The following NRXN1 variants were observed in gnomAD, a reference collection of about 807,000 sequenced individuals.
NRXN1 encodes the protein neurexin-1.
Under a neutral mutation model 150.9 loss-of-function variants are expected in NRXN1, and 39 were observed. The observed-to-expected ratio is 0.26, with a 90% CI of 0.20 to 0.34. The LOEUF is 0.34. Ranked by LOEUF, NRXN1 falls within the 10% of genes least tolerant of loss-of-function variation. The pLI, the probability that NRXN1 is intolerant of heterozygous loss-of-function variation, is 1.00. For missense variants in NRXN1, 1,815 were observed against 1,949.9 expected, an observed-to-expected ratio of 0.93 and a Z score of 1.30; for synonymous variants, 924 against 757.0, an observed-to-expected ratio of 1.22 and a Z score of -3.62.
chr2:50,705,592 G>A (rs529805493), intron 5 of NRXN1, among the ~76,000 whole-genome samples: 1 of 152,252 alleles, frequency 6.6e-6, no homozygotes, highest in Admixed American at 6.5e-5. Context: ...CCTGACCAAT[G>A]CAGTTGGATT....
intron 17 of NRXN1, among the ~76,000 whole-genome samples, chr2:50,295,036 C>A (rs921360256): frequency 6.6e-6 from 1 of 152,188 alleles, no homozygotes. Flanking sequence ...ATTGGAAACA[C>A]TCTGTTTGCA....
intron 18 of NRXN1, among the ~76,000 whole-genome samples, chr2:50,210,058 T>A (rs72887752): frequency 0.02 from 2,974 of 152,088 alleles, 80 homozygotes; most frequent in African/African-American, 0.068. Context: ...GTAAATATTA[T>A]CATTTACAGG....
chr2:51,018,554 G>A (rs182313826), intron 2 of NRXN1, among the ~76,000 whole-genome samples: 3 of 152,192 alleles, frequency 2.0e-5, no homozygotes, highest in Non-Finnish European at 2.9e-5. Context: ...GTGTTGGGAA[G>A]CCAAACACGC....
intron 19 of NRXN1, among the ~76,000 whole-genome samples, chr2:50,068,993 A>C (rs780027148): frequency 6.6e-6 from 1 of 152,160 alleles, no homozygotes; most frequent in Non-Finnish European, 1.5e-5. Context: ...AATGGGAACA[A>C]CTGAAAAGAG....
intron 17 of NRXN1, among the ~76,000 whole-genome samples, chr2:50,316,505 A>G (rs1409736156): frequency 6.6e-6 from 1 of 152,088 alleles, no homozygotes; most frequent in African/African-American, 2.4e-5. Context: ...AATAAGAATC[A>G]CATTAAATTG....
chr2:50,849,811 T>G (rs1387153029), intron 5 of NRXN1, among the ~76,000 whole-genome samples: 4 of 152,188 alleles, frequency 2.6e-5, no homozygotes, highest in Admixed American at 6.5e-5. Flanking sequence ...GAAACTTCTC[T>G]GTTAATATAG....
At position 50,069,706 on chromosome 2, in the gene NRXN1, G is replaced by A. The variant is rs149711709; in HGVS notation, c.3719-14662C>T. On this transcript the variant is annotated intron_variant, in intron 19 of 22. Transcript: ENST00000401669. The stretch of plus-strand genomic sequence containing the variant: ...TAAGCTTGTCTTCTTTCCACTTTGT[G>A]CTATACAGACACACCCACCTCTTAT... Among the ~76,000 whole-genome samples, 1,436 of 152,004 alleles carry A rather than the reference G, an allele frequency of 9.4e-3. 12 individuals are homozygous for A. Among genetic ancestry groups the A allele is most frequent in the Non-Finnish European group, 0.013 (884 of 67,964 alleles).
intron 2 of NRXN1, among the ~76,000 whole-genome samples, chr2:50,941,318 A>C (rs976092737): frequency 6.6e-6 from 1 of 152,194 alleles, no homozygotes; most frequent in Non-Finnish European, 1.5e-5. Flanking sequence ...TACTGCTATA[A>C]AGGTACCCGA....
chr2:50,595,911 T>C (rs1230460172), intron 8 of NRXN1, among the ~76,000 whole-genome samples: 1 of 152,222 alleles, frequency 6.6e-6, no homozygotes, highest in African/African-American at 2.4e-5. Flanking sequence ...ATAAACACTG[T>C]GTTATAGAGG....
chr2:50,902,779 AAGGAAGTCAAATGTCATTGTCCCTT>A lies in NRXN1; in HGVS notation c.832+19065_832+19089del, dbSNP rs1432771348. On this transcript the variant is annotated intron_variant, in intron 5 of 22. Transcript: ENST00000401669. The stretch of plus-strand genomic sequence containing the variant: ...TTGGTTATTTTTTCTTATCTGAAAA[AAGGAAGTCAAATGTCATTGTCCCTT>A]TATCTCAGATAGTTATTATAACAGA... Among the ~76,000 whole-genome samples, 43 of 152,302 alleles carry A rather than the reference AAGGAAGTCAAATGTCATTGTCCCTT, an allele frequency of 2.8e-4. 1 individual carries two copies. In the East Asian group the frequency reaches 3.5e-3, roughly 12 times the overall value.
chr2:50,276,871 C>G (rs909646663), intron 17 of NRXN1, among the ~76,000 whole-genome samples: 3 of 152,022 alleles, frequency 2.0e-5, no homozygotes, highest in Non-Finnish European at 4.4e-5. Flanking sequence ...GAAAAAGTAG[C>G]CAAATAAAAA....
At chr2:51,011,117 A>T (rs1279947927) in intron 2 of NRXN1, among the ~76,000 whole-genome samples, 1 of 151,974 alleles carries the variant, frequency 6.6e-6, no homozygotes, top group African/African-American at 2.4e-5. Flanking sequence ...ACAATAAATC[A>T]TATACTTCAT....
chr2:50,881,613 T>C (rs1218553626), intron 5 of NRXN1, among the ~76,000 whole-genome samples: 4 of 151,832 alleles, frequency 2.6e-5, no homozygotes, highest in Admixed American at 2.6e-4. Flanking sequence ...TTCTGAATTA[T>C]GGAAAGTGAG....
intron 21 of NRXN1, among the ~76,000 whole-genome samples, chr2:49,950,886 T>C (rs1360623727): frequency 6.6e-6 from 1 of 152,000 alleles, no homozygotes; most frequent in Non-Finnish European, 1.5e-5. Context: ...CACATTTCTT[T>C]AATGTTCTTT....
In NRXN1 at chr2:50,263,037, T is replaced by C. The variant is rs150447280; in HGVS notation, c.3365-26067A>G. On this transcript the variant is annotated intron_variant, in intron 17 of 22. Coordinates refer to ENST00000401669, the MANE Select transcript of NRXN1 (RefSeq NM_001330078.2). ...TAGAAACTCATGTTTTCTTCTGAGTTACATGACAGTACTCCACACACTGGC... is the reference window on the plus strand; with the variant it reads ...TAGAAACTCATGTTTTCTTCTGAGTCACATGACAGTACTCCACACACTGGC... Among the ~76,000 whole-genome samples the C allele has an allele frequency of 5.0e-4, 76 of 152,052 alleles. 1 individual carries two copies. The highest frequency in any genetic ancestry group is 1.8e-3 in the African/African-American group (74 of 41,516).
At chr2:50,433,524 A>T (rs975265040) in intron 17 of NRXN1, among the ~76,000 whole-genome samples, 1 of 151,454 alleles carries the variant, frequency 6.6e-6, no homozygotes, top group African/African-American at 2.4e-5. Flanking sequence ...AACACATTAC[A>T]GTTGTCTAAC....
intron 21 of NRXN1, among the ~76,000 whole-genome samples, chr2:50,032,632 G>A (rs1689351383): frequency 6.6e-6 from 1 of 151,966 alleles, no homozygotes; most frequent in African/African-American, 2.4e-5. Flanking sequence ...CCCCCAATGT[G>A]ACTTATTTGA....
intron 5 of NRXN1, among the ~76,000 whole-genome samples, chr2:50,814,291 C>T (rs916675902): frequency 8.5e-5 from 13 of 152,096 alleles, no homozygotes; most frequent in Admixed American, 6.6e-4. Context: ...GCTGCCACAC[C>T]TGCCTTTCTT....
chr2:50,760,816 A>G (rs760321419), intron 5 of NRXN1, among the ~76,000 whole-genome samples: 18 of 151,914 alleles, frequency 1.2e-4, no homozygotes, highest in Non-Finnish European at 2.7e-4. Context: ...TGGGCGGGGC[A>G]TGTGTAATGT....
Sources: allele counts gnomAD v4.1 joint callset (sites outside exome capture counted in the v4.1 genomes callset), GRCh38; gene constraint gnomAD v4.1.1; transcripts MANE v1.5; gene names NCBI Gene and HGNC (gene_info 2026-07-23, HGNC 2026-07-21).